Variants in ATPSCKMT observed in about 807,000 individuals in gnomAD.
The protein encoded by ATPSCKMT is ATP synthase c subunit lysine N-methyltransferase, also known as ATP synthase subunit C lysine N-methyltransferase.
Under a neutral mutation model 24.3 loss-of-function variants are expected in ATPSCKMT, and 24 were observed. The ratio of observed to expected loss-of-function variants is 0.99; its 90% CI spans 0.71 to 1.39. ATPSCKMT has a LOEUF of 1.39. Among genes scored for constraint, ATPSCKMT ranks in the 40% most tolerant of loss-of-function variants. ATPSCKMT has a pLI of 0.00. For missense variants in ATPSCKMT, 311 were observed against 298.4 expected (o/e 1.04, Z -0.31); for synonymous variants, 95 against 110.5 (o/e 0.86, Z 0.88).
At chr5:10,229,643 G>T (rs1433071587) in intron 4 of ATPSCKMT, among the ~76,000 whole-genome samples, 3 of 152,210 alleles carry the variant, frequency 2.0e-5, no homozygotes, top group Non-Finnish European at 2.9e-5. Flanking sequence ...GAATCAATCT[G>T]CTAATTCTGT....
intron 3 of ATPSCKMT, 93 bp downstream of exon 3, chr5:10,236,385 C>G: frequency 7.2e-7 from 1 of 1,387,758 alleles, no homozygotes; most frequent in Non-Finnish European, 9.7e-7. Context: ...AATTATTTTT[C>G]TTTTAATACA....
intron 1 of ATPSCKMT, 156 bp downstream of exon 1, chr5:10,249,702 G>A: frequency 8.1e-7 from 1 of 1,236,128 alleles, no homozygotes; most frequent in Non-Finnish European, 1.1e-6. Context: ...GCGGCGACCA[G>A]GAGCTCTGGT....
chr5:10,248,116 C>T (rs2126474550), intron 1 of ATPSCKMT, among the ~76,000 whole-genome samples: 1 of 152,332 alleles, frequency 6.6e-6, no homozygotes. Flanking sequence ...AATGTCACAA[C>T]TCATAAGGAC....
intron 4 of ATPSCKMT, among the ~76,000 whole-genome samples, chr5:10,230,705 A>C (rs1744090468): frequency 6.6e-6 from 1 of 152,186 alleles, no homozygotes; most frequent in South Asian, 2.1e-4. Context: ...GAAAGGTATA[A>C]GATAACCCAG....
At chr5:10,229,167 T>C (rs1744014965) in intron 4 of ATPSCKMT, among the ~76,000 whole-genome samples, 2 of 152,252 alleles carry the variant, frequency 1.3e-5, no homozygotes, top group African/African-American at 4.8e-5. Context: ...GATTCTGTCA[T>C]TGCCCCAATA....
chr5:10,240,921 G>A (rs557763309), intron 1 of ATPSCKMT, among the ~76,000 whole-genome samples: 47 of 149,712 alleles, frequency 3.1e-4, no homozygotes, highest in African/African-American at 8.6e-4. Context: ...GCTTGAACCC[G>A]GGAGGCAGAG....
chr5:10,232,115 T>A (rs1744166003), intron 4 of ATPSCKMT, among the ~76,000 whole-genome samples: 1 of 152,064 alleles, frequency 6.6e-6, no homozygotes, highest in African/African-American at 2.4e-5. Flanking sequence ...AGACAGGTGA[T>A]CGCTTGAACC....
chr5:10,236,715 C>T, intron 2 of ATPSCKMT, 100 bp from the exon 3 acceptor site: 1 of 1,517,664 alleles, frequency 6.6e-7, no homozygotes, highest in Non-Finnish European at 8.8e-7. Context: ...AACATCCAAT[C>T]AAAAAGCACC....
rs561950986 is a variant in ATPSCKMT, at chr5:10,240,771, A to G, written c.17-1415T>C. On this transcript the variant is annotated intron_variant, in intron 1 of 4. Coordinates refer to ENST00000511437, the MANE Select transcript of ATPSCKMT (RefSeq NM_199133.4). ...AGCACTTTGGGAGGCCACGGCGGGCAGATCACCAGAGGTTGAGAGTTTGAG... is the reference window on the plus strand; with the variant it reads ...AGCACTTTGGGAGGCCACGGCGGGCGGATCACCAGAGGTTGAGAGTTTGAG... Among the ~76,000 whole-genome samples, 134 of 152,238 alleles carry G rather than the reference A, an allele frequency of 8.8e-4. 1 individual carries two copies. The highest frequency in any genetic ancestry group is 1.3e-3 in the Non-Finnish European group (87 of 68,018).
At chr5:10,245,030 G>C (rs559601590) in intron 1 of ATPSCKMT, among the ~76,000 whole-genome samples, 4 of 152,284 alleles carry the variant, frequency 2.6e-5, no homozygotes, top group African/African-American at 9.6e-5. Flanking sequence ...GGGTTACACA[G>C]TTCTGGAGTC....
intron 4 of ATPSCKMT, among the ~76,000 whole-genome samples, chr5:10,234,259 T>C (rs1045515476): frequency 1.3e-5 from 2 of 151,710 alleles, no homozygotes; most frequent in South Asian, 2.1e-4. Flanking sequence ...ACCAGGGAGG[T>C]AGAAGTTGCA....
intron 1 of ATPSCKMT, among the ~76,000 whole-genome samples, chr5:10,246,241 C>T (rs1306923072): frequency 6.6e-6 from 1 of 151,964 alleles, no homozygotes; most frequent in Non-Finnish European, 1.5e-5. Context: ...ACCAGCCTGG[C>T]CAATATTGTG....
chr5:10,248,504 GC>G (rs1745063914), intron 1 of ATPSCKMT: 1 of 152,262 alleles, frequency 6.6e-6, no homozygotes, highest in African/African-American at 2.4e-5. Flanking sequence ...GCGTAAGTAT[GC>G]CAAGCATGAA....
chr5:10,249,777 A>G, intron 1 of ATPSCKMT, 81 bp downstream of exon 1: 1 of 1,514,486 alleles, frequency 6.6e-7, no homozygotes. Flanking sequence ...GACAGTGGAG[A>G]CCTCAGCTGA....
intron 1 of ATPSCKMT, 138 bp downstream of exon 1, chr5:10,249,720 G>T: frequency 7.4e-7 from 1 of 1,349,670 alleles, no homozygotes; most frequent in Non-Finnish European, 9.9e-7. Context: ...GGTCACCGAA[G>T]GCCAGGCTGG....
At position 10,227,359 on chromosome 5, in the gene ATPSCKMT, C is replaced by T. The variant is rs1469794093; in HGVS notation, c.*82G>A. 14 of 1,410,654 alleles carry T rather than the reference C, an allele frequency of 9.9e-6. No individual in the cohort carries two copies. Among genetic ancestry groups the T allele is most frequent in the Middle Eastern group, 4.0e-4 (2 of 5,052 alleles). The allele number at this position is 1,410,654 out of a possible 1,614,324, so 87.4% of individuals were successfully genotyped here. A position where few individuals can be genotyped will look rare whatever the true frequency, so the allele number is the denominator to read the frequency against. ...TCATTCCAAACCAAAGACAATTATG[C>T]TCCTTTGCTAAGGACACAGCTGTAA... On this transcript the variant is annotated 3_prime_UTR_variant, in exon 5 of 5. Coordinates refer to ENST00000511437, the MANE Select transcript of ATPSCKMT (RefSeq NM_199133.4).
intron 2 of ATPSCKMT, 69 bp downstream of exon 2, chr5:10,238,998 C>G (rs1219376096): frequency 5.8e-6 from 9 of 1,538,782 alleles, no homozygotes; most frequent in Non-Finnish European, 7.9e-6. Flanking sequence ...TTTGTGTAAG[C>G]CTTACTAAAT....
rs560003430 is a variant in ATPSCKMT, at chr5:10,229,950, T to C, written c.496-2303A>G. On this transcript the variant is annotated intron_variant, in intron 4 of 4. Coordinates refer to ENST00000511437, the MANE Select transcript of ATPSCKMT (RefSeq NM_199133.4). ...CTTAACAAAATGTTCCTGGCTTTTG[T>C]ATCTTCCCTTCCACAGTCCTGATTC... 3.3e-5 allele frequency among the ~76,000 whole-genome samples: 5 copies of C among 152,252 alleles called. No homozygotes were observed. The South Asian group carries it at 1.0e-3, about 32-fold the overall frequency.
At chr5:10,230,269 T>TA (rs987192292) in intron 4 of ATPSCKMT, among the ~76,000 whole-genome samples, 23 of 148,668 alleles carry the variant, frequency 1.5e-4, no homozygotes, top group Middle Eastern at 3.4e-3. Flanking sequence ...CAGTATAGAT[T>TA]AAAAAAAAAA....
Sources: gnomAD v4.1 joint callset for allele counts (sites outside exome capture counted in the v4.1 genomes callset) on GRCh38, gnomAD v4.1.1 for gene constraint, MANE v1.5 for transcripts, NCBI Gene and HGNC (gene_info 2026-07-23, HGNC 2026-07-21) for gene names.